ARAP3: variants seen among roughly 807,000 people sequenced by gnomAD.
ARAP3 encodes ArfGAP with RhoGAP domain, ankyrin repeat and PH domain 3, also known as arf-GAP with Rho-GAP domain, ANK repeat and PH domain-containing protein 3.
A neutral mutation model predicts 169.2 loss-of-function variants in ARAP3; 82 were observed. The ratio of observed to expected loss-of-function variants is 0.48; its 90% CI spans 0.41 to 0.58. The LOEUF is 0.58. Among genes scored for constraint, ARAP3 ranks in the 20% least tolerant of loss-of-function variants. The pLI is 0.00. For missense variants in ARAP3, 1,764 were observed against 2,018.0 expected (o/e 0.87, Z 2.41); for synonymous variants, 791 against 800.3 (o/e 0.99, Z 0.20).
intron 32 of ARAP3, 25 bp downstream of exon 32, chr5:141,655,337 C>T: frequency 6.4e-7 from 1 of 1,567,808 alleles, no homozygotes. Context: ...GACAGGCACA[C>T]CGCTGGAGCA....
intron 1 of ARAP3, 185 bp from the exon 2 acceptor site, chr5:141,680,688 G>A: frequency 1.0e-6 from 1 of 959,432 alleles, no homozygotes; most frequent in Non-Finnish European, 1.5e-6. Context: ...TTAGGGAAGG[G>A]ACTTCATTTG....
chr5:141,675,749 T>C (rs2099912096), intron 4 of ARAP3, among the ~76,000 whole-genome samples: 2 of 151,990 alleles, frequency 1.3e-5, no homozygotes, highest in Admixed American at 1.3e-4. Context: ...CCCCAGCCTA[T>C]GATACAGCTA....
rs1037778234 is a variant in ARAP3 at position 141,667,053 on chromosome 5, G to C, written c.2353-410C>G. ...GCCTCCTGAGTAGCTGGGACTACAG[G>C]AGCATGCCATCACACCTGGCTAATT... On this transcript the variant is annotated intron_variant, in intron 16 of 32. Coordinates refer to ENST00000239440, the MANE Select transcript of ARAP3 (RefSeq NM_022481.6). Among the ~76,000 whole-genome samples, 3 of 152,034 alleles carry C rather than the reference G, an allele frequency of 2.0e-5. No individual in the cohort carries two copies. In the East Asian group the frequency reaches 5.8e-4, roughly 29 times the overall value.
At chr5:141,676,377 T>G (rs1327613989) in intron 4 of ARAP3, among the ~76,000 whole-genome samples, 1 of 152,154 alleles carries the variant, frequency 6.6e-6, no homozygotes, top group Non-Finnish European at 1.5e-5. Context: ...TTTTCTTGAC[T>G]CAGCTTCCTC....
At position 141,661,778 on chromosome 5, in the gene ARAP3, T is replaced by G; in HGVS notation, c.3025A>C (p.Lys1009Gln). Reference sequence around the variant, plus strand: ...TTATATTTCTCCAGGCGCTGATTCTTCTGGGGCAGCTCTGGGGATGGAATG... The same window carrying G: ...TTATATTTCTCCAGGCGCTGATTCTGCTGGGGCAGCTCTGGGGATGGAATG... ...RWREAAELPQKNQRLEKYKDV... is the reference protein window; with the variant it reads ...RWREAAELPQQNQRLEKYKDV... Residue 1009 changes from lysine (K) to glutamine (Q), a missense_variant, in exon 21 of 33, where the codon AAG becomes CAG. By Grantham distance (53) the Lys-to-Gln change is moderately conservative. This residue lies in a region of ARAP3 where 1,112 missense variants were observed against 1,285.7 expected (regional missense o/e 0.86). Transcript: ENST00000239440. 6.2e-7 allele frequency: 1 copy of G among 1,614,218 alleles called. No individual in the cohort carries two copies. The highest frequency in any genetic ancestry group is 8.5e-7 in the Non-Finnish European group (1 of 1,180,038).
chr5:141,665,268 C>G, intron 18 of ARAP3, 43 bp downstream of exon 18: 1 of 1,611,148 alleles, frequency 6.2e-7, no homozygotes, highest in South Asian at 1.1e-5. Flanking sequence ...ATGGGCTCTG[C>G]TCCAGGAAGG....
At chr5:141,659,549 G>T in intron 22 of ARAP3, 73 bp from the exon 23 acceptor site, 1 of 1,530,648 alleles carries the variant, frequency 6.5e-7, no homozygotes, top group Non-Finnish European at 9.0e-7. Flanking sequence ...GGCCAAGGAG[G>T]ACCTGTTTAA....
chr5:141,662,149 C>G lies in ARAP3; in HGVS notation c.2907G>C (p.Gly969=). The change falls in exon 20 of 33, where the codon GGG becomes GGC. Residue 969 remains glycine, a synonymous_variant. Transcript: ENST00000239440. ...CAGTGACATCCTCCACAAAGTGCTC[C>G]CCTGGTCGGAGCTTCACCGACCGGG... ...RDARSVKLRP[G]EHFVEDVTDT... 1 of 1,614,194 alleles carries G rather than the reference C, an allele frequency of 6.2e-7. No homozygotes were observed. The highest frequency in any genetic ancestry group is 8.5e-7 in the Non-Finnish European group (1 of 1,180,036).
At position 141,658,364 on chromosome 5, in the gene ARAP3, C is replaced by T; in HGVS notation, c.3526+1G>A. The T allele has an allele frequency of 6.2e-7, 1 of 1,612,856 alleles. No individual in the cohort carries two copies. Among genetic ancestry groups the T allele is most frequent in the Non-Finnish European group, 8.5e-7 (1 of 1,179,998 alleles). ...GAACACACAGGCGTGGTCATACTCA[C>T]CCAGCTCCCCATGCTCGCGAATCTC... On this transcript the variant is annotated splice_donor_variant, in intron 25 of 32. Coordinates refer to ENST00000239440, the MANE Select transcript of ARAP3 (RefSeq NM_022481.6). LOFTEE classifies it high-confidence loss of function.
rs2099909995 is a variant in ARAP3 at position 141,661,675 on chromosome 5, C to T, written c.3119+9G>A. The T allele has an allele frequency of 6.2e-7, 1 of 1,613,742 alleles. No homozygotes were observed. The highest frequency in any genetic ancestry group is 2.2e-5 in the East Asian group (1 of 44,878). On this transcript the variant is annotated intron_variant, in intron 21 of 32. Transcript: ENST00000239440. ...GGAAGGGTTCTGCAGAGGGTCTAGCCATACTGACCGATAGAGATGCCCAAT... is the reference window on the plus strand; with the variant it reads ...GGAAGGGTTCTGCAGAGGGTCTAGCTATACTGACCGATAGAGATGCCCAAT...
At position 141,669,774 on chromosome 5, in the gene ARAP3, T is replaced by TC; in HGVS notation, c.2286dup (p.Arg763GlufsTer11). ...CCATCTGTGCCAAAATGCTGGATCC[T>TC]CCCCCCAGCGAGGATGAGCTCAAAG... On this transcript the variant is annotated frameshift_variant, in exon 16 of 33. Transcript: ENST00000239440. LOFTEE classifies it high-confidence loss of function. 6.2e-7 allele frequency: 1 copy of TC among 1,613,662 alleles called. No homozygotes were observed. The highest frequency in any genetic ancestry group is 8.5e-7 in the Non-Finnish European group (1 of 1,179,884).
intron 4 of ARAP3, among the ~76,000 whole-genome samples, chr5:141,677,904 C>T (rs2099912416): frequency 6.6e-6 from 1 of 151,868 alleles, no homozygotes; most frequent in East Asian, 1.9e-4. Flanking sequence ...CCTGCCTCAG[C>T]CTCCCTAGTA....
chr5:141,672,308 G>T lies in ARAP3; in HGVS notation c.1386-7C>A, dbSNP rs766641622. The T allele has an allele frequency of 9.9e-6, 16 of 1,613,868 alleles. No homozygotes were observed. Among genetic ancestry groups the T allele is most frequent in the Non-Finnish European group, 1.3e-5 (15 of 1,180,012 alleles). On this transcript the variant is annotated splice_region_variant and splice_polypyrimidine_tract_variant and intron_variant, in intron 9 of 32. Transcript: ENST00000239440. This position sits in a 1 kb window ranked among gnomAD's most constrained non-coding sequence, Gnocchi z 4.9. ...CCCAGACTCGGCTGTGAAGCTGAGG[G>T]GTGGACAGCCAGTCCATGGGCATGG...
At chr5:141,655,258 A>ACACACACACACACACACC (rs1491503001) in intron 32 of ARAP3, 104 bp downstream of exon 32, 1 of 1,108,140 alleles carries the variant, frequency 9.0e-7, no homozygotes, top group African/African-American at 1.9e-5. Flanking sequence ...ACACACACAC[A>ACACACACACACACACACC]CCCCCTGATG....
chr5:141,655,970 G>A (rs1275981738), intron 29 of ARAP3, 38 bp from the exon 30 acceptor site: 3 of 1,613,688 alleles, frequency 1.9e-6, no homozygotes, highest in Middle Eastern at 1.6e-4. Flanking sequence ...GAGAGAGAGG[G>A]TCACAGCTAT....
At position 141,655,945 on chromosome 5, in the gene ARAP3, G is replaced by T; in HGVS notation, c.3909-13C>A. 6.2e-7 allele frequency: 1 copy of T among 1,614,022 alleles called. No homozygotes were observed. On this transcript the variant is annotated splice_polypyrimidine_tract_variant and intron_variant, in intron 29 of 32. Coordinates refer to ENST00000239440, the MANE Select transcript of ARAP3 (RefSeq NM_022481.6). ...GCAGGACAAGTAGCTGGGGTGATCA[G>T]AATGGAATCAGAGGGAGAGAGAGGG...
intron 32 of ARAP3, among the ~76,000 whole-genome samples, 168 bp downstream of exon 32, chr5:141,655,182 TACACACACACAC>T (rs3075597): frequency 2.5e-4 from 24 of 95,552 alleles, no homozygotes; most frequent in Admixed American, 1.7e-3. Context: ...CCTGATGGCC[TACACACACACAC>T]ACACACACAC....
At chr5:141,670,099 C>G in intron 14 of ARAP3, 36 bp from the exon 15 acceptor site, 3 of 1,577,578 alleles carry the variant, frequency 1.9e-6, no homozygotes, top group Non-Finnish European at 2.6e-6. Flanking sequence ...AGCAGCAGAC[C>G]TCTGCCCCCA....
In ARAP3 at chr5:141,670,056, C is replaced by A; in HGVS notation, c.2115G>T (p.Pro705=). 1.3e-6 allele frequency: 2 copies of A among 1,591,550 alleles called. No homozygotes were observed. The highest frequency in any genetic ancestry group is 2.2e-5 in the East Asian group (1 of 44,812). The change falls in exon 15 of 33, where the codon CCG becomes CCT. Residue 705 remains proline (P), a synonymous_variant. Transcript: ENST00000239440. The part of the protein sequence containing the change: ...SPPRRGRDAP[P]RLWCVLGAAL... ...CTGCTCCCAGCACACACCAAAGGCG[C>A]GGGGGAGCTAAGGCAGAGGGAGATA...
Sources: allele counts gnomAD v4.1 joint callset (sites outside exome capture counted in the v4.1 genomes callset), GRCh38; gene constraint gnomAD v4.1.1; regional missense constraint gnomAD v4.1.1; non-coding constraint Gnocchi (gnomAD v3.1); transcripts MANE v1.5; gene names NCBI Gene and HGNC (gene_info 2026-07-23, HGNC 2026-07-21).